Variants in ADAMTS9 observed in about 807,000 individuals in gnomAD.
ADAMTS9 encodes ADAM metallopeptidase with thrombospondin type 1 motif 9, also known as A disintegrin and metalloproteinase with thrombospondin motifs 9.
Under a neutral mutation model 257.1 loss-of-function variants are expected in ADAMTS9, and 107 were observed. The ratio of observed to expected loss-of-function variants is 0.42; its 90% CI spans 0.36 to 0.49. ADAMTS9 has a LOEUF of 0.49. ADAMTS9 is among the 20% of genes least tolerant of loss of function. The pLI is 0.03. For missense variants in ADAMTS9, 2,353 were observed against 2,469.1 expected (o/e 0.95, Z 1.00); for synonymous variants, 982 against 880.9 (o/e 1.11, Z -2.03).
At chr3:64,594,755 C>T (rs1211950591) in intron 27 of ADAMTS9, among the ~76,000 whole-genome samples, 2 of 152,136 alleles carry the variant, frequency 1.3e-5, no homozygotes, top group Non-Finnish European at 2.9e-5. Flanking sequence ...TTAATTAACT[C>T]GATCAAGTCC....
At chr3:64,600,995 G>A (rs1226827621) in intron 26 of ADAMTS9, among the ~76,000 whole-genome samples, 2 of 152,042 alleles carry the variant, frequency 1.3e-5, no homozygotes, top group African/African-American at 2.4e-5. Flanking sequence ...TCCCTACCCA[G>A]GATCCTTTAA....
chr3:64,572,604 G>A (rs1222516355), intron 28 of ADAMTS9, among the ~76,000 whole-genome samples: 1 of 152,128 alleles, frequency 6.6e-6, no homozygotes, highest in East Asian at 1.9e-4. Flanking sequence ...TGGGATCCCT[G>A]GGGTTGCTGA....
At chr3:64,594,744 G>A (rs2084330929) in intron 27 of ADAMTS9, among the ~76,000 whole-genome samples, 1 of 152,286 alleles carries the variant, frequency 6.6e-6, no homozygotes, top group South Asian at 2.1e-4. Context: ...GTGAAGGGAG[G>A]TTAATTAACT....
intron 16 of ADAMTS9, among the ~76,000 whole-genome samples, chr3:64,625,513 A>T (rs1700203305): frequency 1.3e-5 from 2 of 152,222 alleles, no homozygotes; most frequent in Admixed American, 6.5e-5. Flanking sequence ...ATTTTCATAG[A>T]CATGGGAACC....
chr3:64,633,912 C>T (rs2106899067), intron 12 of ADAMTS9, 33 bp from the exon 13 acceptor site: 1 of 1,570,504 alleles, frequency 6.4e-7, no homozygotes, highest in East Asian at 2.2e-5. Context: ...AGCACACACA[C>T]TGTATTATCA....
At chr3:64,528,248 CA>C (rs1439366276) in intron 38 of ADAMTS9, among the ~76,000 whole-genome samples, 1 of 152,054 alleles carries the variant, frequency 6.6e-6, no homozygotes, top group East Asian at 1.9e-4. Flanking sequence ...TGGAAGAGAC[CA>C]AAATGGGTAG....
Position 64,546,761 on chromosome 3 carries a change from C to G in ADAMTS9, c.5061G>C (p.Gly1687=). The change falls in exon 32 of 40, where the codon GGG becomes GGC. Residue 1687 remains glycine, a synonymous_variant. Coordinates refer to ENST00000498707, the MANE Select transcript of ADAMTS9 (RefSeq NM_182920.2). ...VSATWRVGNW[G]SCSVSCGVGV... ...GAGTGCTCAGTCTTCTACTTACGCT[C>G]CCCCAGTTGCCAACTCTCCAGGTGG... The G allele has an allele frequency of 1.3e-6, 2 of 1,598,118 alleles. No individual in the cohort carries two copies. The highest frequency in any genetic ancestry group is 2.3e-5 in the South Asian group (2 of 87,712).
chr3:64,660,949 G>T (rs73832370), intron 3 of ADAMTS9, among the ~76,000 whole-genome samples: 2 of 152,134 alleles, frequency 1.3e-5, no homozygotes, highest in Non-Finnish European at 2.9e-5. Context: ...CAAAAGTTAC[G>T]GATACAGTGC....
At chr3:64,647,463 A>G (rs76235787) in intron 11 of ADAMTS9, among the ~76,000 whole-genome samples, 1 of 152,226 alleles carries the variant, frequency 6.6e-6, no homozygotes, top group Non-Finnish European at 1.5e-5. Flanking sequence ...GAATGACATT[A>G]TAGCTCCTTA....
intron 3 of ADAMTS9, among the ~76,000 whole-genome samples, chr3:64,659,222 C>G (rs964844766): frequency 6.6e-6 from 1 of 152,196 alleles, no homozygotes. Flanking sequence ...AATCCCAGCA[C>G]TTTGGGAGGC....
At chr3:64,524,690 T>G (rs1199436647) in intron 38 of ADAMTS9, among the ~76,000 whole-genome samples, 1 of 152,234 alleles carries the variant, frequency 6.6e-6, no homozygotes, top group Non-Finnish European at 1.5e-5. Flanking sequence ...ATACCATTGA[T>G]TTTGCCTCTT....
intron 18 of ADAMTS9, among the ~76,000 whole-genome samples, chr3:64,621,699 T>C (rs1700108771): frequency 6.6e-6 from 1 of 151,416 alleles, no homozygotes; most frequent in African/African-American, 2.4e-5. Flanking sequence ...GAGGCACAGG[T>C]TGCAGTGGGC....
At chr3:64,624,111 GT>G (rs1220360373) in intron 16 of ADAMTS9, among the ~76,000 whole-genome samples, 1 of 151,802 alleles carries the variant, frequency 6.6e-6, no homozygotes, top group Non-Finnish European at 1.5e-5. Context: ...CAAAGATTCA[GT>G]TAAGCAAGAT....
In ADAMTS9 at chr3:64,533,239, C is replaced by T. The variant is rs867912461; in HGVS notation, c.5645G>A (p.Gly1882Asp). ...GRFSINLYGTGLSLTESARWI... is the reference protein window; with the variant it reads ...GRFSINLYGTDLSLTESARWI... ...TCTGGCAGATTCAGTTAAAGACAAG[C>T]CGGTTCCATAAAGGTTGATGCTAAA... The change falls in exon 38 of 40, where the codon GGC (glycine) becomes GAC (aspartate). Residue 1882 changes from glycine to aspartate, a missense_variant. Physicochemically the swap from Gly to Asp is moderately conservative, Grantham distance 94 (BLOSUM62 -1). Around this residue, in one of 3 missense-constraint regions of ADAMTS9, gnomAD observed 1,402 missense variants for 1,441.4 expected, o/e 0.97. Transcript: ENST00000498707. 3 of 1,613,956 alleles carry T rather than the reference C, an allele frequency of 1.9e-6. No individual in the cohort carries two copies. Among genetic ancestry groups the T allele is most frequent in the South Asian group, 2.2e-5 (2 of 91,078 alleles).
At chr3:64,549,776 A>T (rs2083246513) in intron 31 of ADAMTS9, among the ~76,000 whole-genome samples, 1 of 152,186 alleles carries the variant, frequency 6.6e-6, no homozygotes, top group African/African-American at 2.4e-5. Flanking sequence ...TGTCACAACC[A>T]AACTGTCTCT....
intron 3 of ADAMTS9, among the ~76,000 whole-genome samples, chr3:64,662,094 C>T (rs181486410): frequency 2.0e-5 from 3 of 151,886 alleles, no homozygotes; most frequent in African/African-American, 7.3e-5. Flanking sequence ...GCTTTGGCAC[C>T]ATCCCATGTT....
At chr3:64,608,247 C>A (rs1386409262) in intron 22 of ADAMTS9, among the ~76,000 whole-genome samples, 17 of 39,074 alleles carry the variant, frequency 4.4e-4, no homozygotes, top group South Asian at 2.1e-3. Flanking sequence ...AAATTAACAG[C>A]AAACTAAAAC....
In ADAMTS9 at chr3:64,602,012, G is replaced by T. The variant is rs61754853; in HGVS notation, c.3949C>A (p.Arg1317=). The change falls in exon 26 of 40, where the codon CGG becomes AGG. Residue 1317 remains arginine (R), a synonymous_variant. Coordinates refer to ENST00000498707, the MANE Select transcript of ADAMTS9 (RefSeq NM_182920.2). The part of the protein sequence containing the change: ...HPFQNEDYRP[R]SASPSRTHVL... ...TGGGTGCGGCTGGGGCTGGCGCTCC[G>T]GGGACGATAGTCCTCATTTTGGAAG... is the stretch of plus-strand genomic sequence containing the variant. The T allele has an allele frequency of 6.2e-7, 1 of 1,613,882 alleles. No individual in the cohort carries two copies. Among genetic ancestry groups the T allele is most frequent in the Non-Finnish European group, 8.5e-7 (1 of 1,179,904 alleles).
At chr3:64,546,463 T>C (rs561746886) in intron 32 of ADAMTS9, among the ~76,000 whole-genome samples, 2 of 152,336 alleles carry the variant, frequency 1.3e-5, no homozygotes, top group South Asian at 4.1e-4. Flanking sequence ...GTTTTGCAGA[T>C]GAGAAAACTG....
Sources: gnomAD v4.1 joint callset for allele counts (sites outside exome capture counted in the v4.1 genomes callset) on GRCh38, gnomAD v4.1.1 for gene constraint, gnomAD v4.1.1 regional missense constraint, MANE v1.5 for transcripts, NCBI Gene and HGNC (gene_info 2026-07-23, HGNC 2026-07-21) for gene names.